The following TLCD4 variants were observed in gnomAD, a reference collection of about 807,000 sequenced individuals.
TLCD4 encodes the protein TLC domain-containing protein 4.
TLCD4 carries 7 observed loss-of-function variants against 24.2 expected under a neutral mutation model. That is an observed-to-expected ratio of 0.29 (90% CI 0.16 to 0.54). The LOEUF is 0.54. Ranked by LOEUF, TLCD4 falls within the 20% of genes least tolerant of loss-of-function variation. TLCD4 has a pLI of 0.95. For synonymous variants in TLCD4, 103 were observed against 106.4 expected, an observed-to-expected ratio of 0.97 and a Z score of 0.20; for missense variants, 259 against 313.9, an observed-to-expected ratio of 0.82 and a Z score of 1.32.
chr1:95,181,020 C>A (rs1185218031), intron 6 of TLCD4, among the ~76,000 whole-genome samples: 1 of 152,070 alleles, frequency 6.6e-6, no homozygotes, highest in African/African-American at 2.4e-5. Flanking sequence ...TTACTTGAAC[C>A]CAGTTGGTGG....
At chr1:95,169,601 C>A (rs1678137926) in intron 5 of TLCD4, among the ~76,000 whole-genome samples, 1 of 151,544 alleles carries the variant, frequency 6.6e-6, no homozygotes, top group Non-Finnish European at 1.5e-5. Flanking sequence ...CTTTTAAATT[C>A]TCAAAAAAGG....
intron 5 of TLCD4, among the ~76,000 whole-genome samples, chr1:95,173,245 G>A (rs1437765224): frequency 6.6e-6 from 1 of 151,894 alleles, no homozygotes; most frequent in Admixed American, 6.6e-5. Flanking sequence ...TATAAAGTGA[G>A]TTACTATCAG....
In TLCD4 at chr1:95,195,206, G is replaced by T. The variant is rs1230092850; in HGVS notation, c.*3338G>T. On this transcript the variant is annotated 3_prime_UTR_variant, in exon 7 of 7. Transcript: ENST00000370203. ...CTCTGAGGCACACTGGGCATTTGGA[G>T]AATGGTTCTTCACTGGTGTAGAGAG... is the stretch of plus-strand genomic sequence containing the variant. 3 of 152,186 alleles carry T rather than the reference G, an allele frequency of 2.0e-5. No individual in the cohort carries two copies. The highest frequency in any genetic ancestry group is 4.4e-5 in the Non-Finnish European group (3 of 68,014). 9.4% of individuals were successfully genotyped at this position (152,186 alleles called of 1,614,324 possible). A position where few individuals can be genotyped will look rare whatever the true frequency, so the allele number is the denominator to read the frequency against.
intron 1 of TLCD4, among the ~76,000 whole-genome samples, chr1:95,123,069 A>C (rs1039289151): frequency 6.6e-6 from 1 of 152,054 alleles, no homozygotes; most frequent in Non-Finnish European, 1.5e-5. Flanking sequence ...TTGGTATCCC[A>C]AAGTGCTGGG....
chr1:95,097,113 T>C, the TLCD4 span, among the ~76,000 whole-genome samples: 1 of 152,186 alleles, frequency 6.6e-6, no homozygotes, highest in Non-Finnish European at 1.5e-5. Context: ...ATAATAGATG[T>C]ACATATTTTC....
At chr1:95,148,566 T>C in intron 2 of TLCD4, 136 bp from the exon 3 acceptor site, 1 of 1,183,762 alleles carries the variant, frequency 8.4e-7, no homozygotes, top group Non-Finnish European at 1.1e-6. Flanking sequence ...AATTTTGCAT[T>C]ATACTCTCCG....
intron 6 of TLCD4, among the ~76,000 whole-genome samples, chr1:95,189,203 A>C (rs1023826100): frequency 6.6e-5 from 10 of 152,112 alleles, no homozygotes; most frequent in Non-Finnish European, 5.9e-5. Context: ...CAGAATTGTT[A>C]ATTGTTTTTG....
At chr1:95,142,856 A>G (rs1206975673) in intron 1 of TLCD4, among the ~76,000 whole-genome samples, 1 of 152,030 alleles carries the variant, frequency 6.6e-6, no homozygotes. Context: ...ATGATGAGGC[A>G]GCAGAATTGC....
At chr1:95,169,893 A>G (rs1029890673) in intron 5 of TLCD4, among the ~76,000 whole-genome samples, 2 of 152,196 alleles carry the variant, frequency 1.3e-5, no homozygotes, top group African/African-American at 4.8e-5. Flanking sequence ...TGTTGCTGCT[A>G]TAGTATTTTG....
upstream of TLCD4, among the ~76,000 whole-genome samples, chr1:95,114,239 A>G (rs928809163): frequency 6.6e-6 from 1 of 152,154 alleles, no homozygotes; most frequent in African/African-American, 2.4e-5. Context: ...GTATTTTTAA[A>G]CACTTATAAA....
At chr1:95,171,930 C>T (rs1414641435) in intron 5 of TLCD4, among the ~76,000 whole-genome samples, 6 of 152,132 alleles carry the variant, frequency 3.9e-5, no homozygotes, top group African/African-American at 1.2e-4. Flanking sequence ...GGCCCCTAAT[C>T]CACTATGACT....
chr1:95,140,504 A>G (rs1473191246), intron 1 of TLCD4, among the ~76,000 whole-genome samples: 33 of 152,228 alleles, frequency 2.2e-4, no homozygotes, highest in Admixed American at 2.1e-3. Context: ...AAGTTTATGT[A>G]AACCATCTTT....
chr1:95,150,912 T>A lies in TLCD4; in HGVS notation c.305-413T>A, dbSNP rs1571746364. ...TATTTCTATTCAATAATATTTTTTG[T>A]TTATTTTAACTCTGGAAACAAGTTA... On this transcript the variant is annotated intron_variant, in intron 4 of 6. Transcript: ENST00000370203. 2.6e-5 allele frequency among the ~76,000 whole-genome samples: 4 copies of A among 152,160 alleles called. No individual in the cohort carries two copies. The South Asian group carries it at 8.3e-4, about 32-fold the overall frequency.
the TLCD4 span, among the ~76,000 whole-genome samples, chr1:95,103,822 T>G: frequency 6.6e-6 from 1 of 152,218 alleles, no homozygotes; most frequent in Admixed American, 6.5e-5. Context: ...CCCATGATAC[T>G]CTTACAATGT....
chr1:95,131,481 A>T (rs1444691805), intron 1 of TLCD4, among the ~76,000 whole-genome samples: 1 of 152,184 alleles, frequency 6.6e-6, no homozygotes, highest in Non-Finnish European at 1.5e-5. Context: ...AGCATTGAGA[A>T]ACAAATGAAG....
chr1:95,179,740 G>A (rs537416588), intron 6 of TLCD4, among the ~76,000 whole-genome samples: 1 of 152,128 alleles, frequency 6.6e-6, no homozygotes, highest in Non-Finnish European at 1.5e-5. Context: ...GAGCTCTTCA[G>A]TGTGACACAG....
chr1:95,131,060 T>A (rs1384368882), intron 1 of TLCD4, among the ~76,000 whole-genome samples: 1 of 152,206 alleles, frequency 6.6e-6, no homozygotes, highest in African/African-American at 2.4e-5. Context: ...AACTGTTTTA[T>A]TTAACATATT....
chr1:95,177,990 G>A (rs139587459), intron 6 of TLCD4, among the ~76,000 whole-genome samples: 119 of 137,524 alleles, frequency 8.7e-4, no homozygotes, highest in African/African-American at 3.2e-3. Flanking sequence ...TCGCTCCATC[G>A]TCCAGGCTAG....
At chr1:95,098,525 C>T in the TLCD4 span, among the ~76,000 whole-genome samples, 1 of 152,156 alleles carries the variant, frequency 6.6e-6, no homozygotes, top group African/African-American at 2.4e-5. Flanking sequence ...TTTGCATGTT[C>T]TCTCTCATTC....
Sources: allele counts gnomAD v4.1 joint callset (sites outside exome capture counted in the v4.1 genomes callset), GRCh38; gene constraint gnomAD v4.1.1; transcripts MANE v1.5; gene names NCBI Gene and HGNC (gene_info 2026-07-23, HGNC 2026-07-21).